THRAP3: variants seen among roughly 807,000 people sequenced by gnomAD.
The protein encoded by THRAP3 is thyroid hormone receptor-associated protein 3.
In THRAP3, 16 loss-of-function variants were observed where a neutral mutation model predicts 101.0. The observed-to-expected ratio is 0.16, with a 90% CI of 0.11 to 0.24. The LOEUF is 0.24. Ranked by LOEUF, THRAP3 falls within the 10% of genes least tolerant of loss-of-function variation. THRAP3 has a pLI of 1.00. For missense variants in THRAP3, 989 were observed against 1,202.7 expected, an observed-to-expected ratio of 0.82 and a Z score of 2.63; for synonymous variants, 407 against 422.6, an observed-to-expected ratio of 0.96 and a Z score of 0.45.
chr1:36,286,739 A>T lies in THRAP3; in HGVS notation c.509A>T (p.Glu170Val). 6.2e-7 allele frequency: 1 copy of T among 1,614,220 alleles called. No homozygotes were observed. The highest frequency in any genetic ancestry group is 8.5e-7 in the Non-Finnish European group (1 of 1,180,042). ...SRSSSNHSRVESSKRKSAKEK... is the reference protein window; with the variant it reads ...SRSSSNHSRVVSSKRKSAKEK... Reference sequence around the variant, plus strand: ...TCTTCCTCCAACCATAGCCGAGTTGAATCTTCTAAGCGCAAGTCTGCAAAG... The same window carrying T: ...TCTTCCTCCAACCATAGCCGAGTTGTATCTTCTAAGCGCAAGTCTGCAAAG... Residue 170 changes from glutamate (E) to valine (V), a missense_variant, in exon 4 of 12, where the codon GAA (glutamate) becomes GTA (valine). Physicochemically the swap from Glu to Val is moderately radical, Grantham distance 121. Transcript: ENST00000354618. The surrounding 1 kb of genome is among the most constrained non-coding windows in gnomAD (Gnocchi z 5.5).
intron 1 of THRAP3, among the ~76,000 whole-genome samples, chr1:36,229,788 G>T (rs931793603): frequency 4.6e-5 from 7 of 151,980 alleles, no homozygotes; most frequent in Admixed American, 1.3e-4. Flanking sequence ...GAGAAGCTGG[G>T]ATTACAGGCA....
intron 3 of THRAP3, among the ~76,000 whole-genome samples, chr1:36,285,152 A>G (rs1356991781): frequency 1.3e-5 from 2 of 152,228 alleles, no homozygotes; most frequent in Non-Finnish European, 1.5e-5. Context: ...TATATTTGCT[A>G]ACTGGAGTTA....
intron 2 of THRAP3, among the ~76,000 whole-genome samples, chr1:36,266,850 ATATTTATT>A (rs71796650): frequency 0.01 from 1,467 of 144,288 alleles, 12 homozygotes; most frequent in African/African-American, 0.019. Context: ...TATAATACGA[ATATTTATT>A]TATTTATTTA....
the THRAP3 span, among the ~76,000 whole-genome samples, chr1:36,217,403 T>A: frequency 6.6e-6 from 1 of 152,016 alleles, no homozygotes; most frequent in South Asian, 2.1e-4. Context: ...AGAGGCTGAA[T>A]GAGGAGAGGA....
At position 36,287,287 on chromosome 1, in the gene THRAP3, C is replaced by T. The variant is rs149836110; in HGVS notation, c.1040+17C>T. ...TACAAAGAGGCAAGTATCTCATTTC[C>T]CCTGCCTGGTTGTGTTTTTATCTCA... On this transcript the variant is annotated intron_variant, in intron 4 of 11. Coordinates refer to ENST00000354618, the MANE Select transcript of THRAP3 (RefSeq NM_005119.4). 33 of 1,572,286 alleles carry T rather than the reference C, an allele frequency of 2.1e-5. No homozygotes were observed. In the African/African-American group the frequency reaches 2.2e-4, roughly 10 times the overall value.
intron 8 of THRAP3, among the ~76,000 whole-genome samples, chr1:36,294,708 T>A (rs1225085932): frequency 6.6e-6 from 1 of 152,190 alleles, no homozygotes; most frequent in Non-Finnish European, 1.5e-5. Context: ...CCCACCCGTC[T>A]TTCCTCCTCC....
At chr1:36,278,252 G>C (rs1388633500) in intron 2 of THRAP3, among the ~76,000 whole-genome samples, 1 of 151,946 alleles carries the variant, frequency 6.6e-6, no homozygotes, top group Non-Finnish European at 1.5e-5. Context: ...TTTTAGTAGA[G>C]ACGGGGTTTT....
At chr1:36,220,911 G>A (rs1384664910), upstream of THRAP3, among the ~76,000 whole-genome samples, 4 of 130,606 alleles carry the variant, frequency 3.1e-5, no homozygotes, top group Admixed American at 2.7e-4. Flanking sequence ...AGCAGAGATC[G>A]CACTACTGCA....
chr1:36,285,668 T>C (rs1032318623), intron 3 of THRAP3, among the ~76,000 whole-genome samples: 2 of 152,248 alleles, frequency 1.3e-5, no homozygotes, highest in African/African-American at 4.8e-5. Context: ...GTTAAGATCA[T>C]GTAGCTCAGC....
upstream of THRAP3, among the ~76,000 whole-genome samples, chr1:36,222,001 AG>A (rs1205739424): frequency 1.3e-5 from 2 of 151,800 alleles, no homozygotes; most frequent in Non-Finnish European, 2.9e-5. Flanking sequence ...AGTAGAGACC[AG>A]GGTTTCATCA....
intron 2 of THRAP3, among the ~76,000 whole-genome samples, chr1:36,260,854 A>G (rs1227420507): frequency 6.6e-6 from 1 of 150,900 alleles, no homozygotes; most frequent in Non-Finnish European, 1.5e-5. Flanking sequence ...CTCTGGTTAT[A>G]ATATAATTTT....
At position 36,274,696 on chromosome 1, in the gene THRAP3, G is replaced by A. The variant is rs141797259; in HGVS notation, c.-31-7837G>A. Among the ~76,000 whole-genome samples the A allele has an allele frequency of 4.7e-3, 617 of 131,250 alleles. 3 individuals carry two copies. The highest frequency in any genetic ancestry group is 0.034 in the East Asian group (143 of 4,174). The allele number at this position is 131,250 out of a possible 152,430, so 86.1% of individuals were successfully genotyped here. A position where few individuals can be genotyped will look rare whatever the true frequency, so the allele number is the denominator to read the frequency against. On this transcript the variant is annotated intron_variant, in intron 2 of 11. Coordinates refer to ENST00000354618, the MANE Select transcript of THRAP3 (RefSeq NM_005119.4). ...CACCCAGACTGGAGTGCAATGGTGC[G>A]ATCTTGTCTCACTGCAACCTCTACC...
chr1:36,255,992 G>A (rs948129478), intron 1 of THRAP3, among the ~76,000 whole-genome samples: 8 of 151,946 alleles, frequency 5.3e-5, no homozygotes, highest in Non-Finnish European at 8.8e-5. Context: ...CTAAGGCACT[G>A]TTGTCCTTTA....
intron 9 of THRAP3, among the ~76,000 whole-genome samples, chr1:36,298,792 T>C (rs957383200): frequency 1.3e-5 from 2 of 151,476 alleles, no homozygotes; most frequent in Non-Finnish European, 2.9e-5. Flanking sequence ...AGGCATGAGC[T>C]ACCACACCTG....
In THRAP3 at chr1:36,241,553, G is replaced by A. The variant is rs139656665; in HGVS notation, c.-135+17048G>A. On this transcript the variant is annotated intron_variant, in intron 1 of 11. Transcript: ENST00000354618. ...AAGACATTAACATGAGTAGAAGGTTGACTGAAGTTTAAGATCCGCTAAAAT... is the reference window on the plus strand; with the variant it reads ...AAGACATTAACATGAGTAGAAGGTTAACTGAAGTTTAAGATCCGCTAAAAT... Among the ~76,000 whole-genome samples the A allele has an allele frequency of 2.7e-5, 4 of 150,534 alleles. No individual in the cohort carries two copies. In the East Asian group the frequency reaches 7.8e-4, roughly 29 times the overall value.
intron 2 of THRAP3, among the ~76,000 whole-genome samples, chr1:36,274,261 T>C (rs1188920966): frequency 1.3e-5 from 2 of 152,228 alleles, no homozygotes; most frequent in African/African-American, 2.4e-5. Context: ...GTAAAACTTA[T>C]ATTCAGAAAA....
intron 2 of THRAP3, among the ~76,000 whole-genome samples, chr1:36,278,452 A>G (rs1242440562): frequency 6.6e-6 from 1 of 152,160 alleles, no homozygotes; most frequent in Non-Finnish European, 1.5e-5. Context: ...TTCAAGATCA[A>G]GGACCATTGA....
chr1:36,292,750 C>G (rs372972026), intron 7 of THRAP3, 41 bp downstream of exon 7: 2 of 1,474,636 alleles, frequency 1.4e-6, no homozygotes, highest in Non-Finnish European at 1.9e-6. Context: ...TAATAAAAGA[C>G]TTTGTATCAG....
chr1:36,282,457 G>A, intron 2 of THRAP3, 76 bp from the exon 3 acceptor site: 1 of 1,032,546 alleles, frequency 9.7e-7, no homozygotes, highest in Non-Finnish European at 1.4e-6. Flanking sequence ...AAAGAAATGT[G>A]TTTCTAAAAT....
Sources: allele counts gnomAD v4.1 joint callset (sites outside exome capture counted in the v4.1 genomes callset), GRCh38; gene constraint gnomAD v4.1.1; non-coding constraint Gnocchi (gnomAD v3.1); transcripts MANE v1.5; gene names NCBI Gene and HGNC (gene_info 2026-07-23, HGNC 2026-07-21).